TMC1: variants seen among roughly 807,000 people sequenced by gnomAD.
TMC1 encodes the protein transmembrane channel-like protein 1.
A neutral mutation model predicts 105.8 loss-of-function variants in TMC1; 84 were observed. The ratio of observed to expected loss-of-function variants is 0.79; its 90% CI spans 0.67 to 0.95. The LOEUF (loss-of-function observed/expected upper bound fraction) is 0.95. Ranked by LOEUF, TMC1 falls within the 40% of genes least tolerant of loss-of-function variation. The pLI is 0.00. For missense variants in TMC1, 817 were observed against 914.1 expected, an observed-to-expected ratio of 0.89 and a Z score of 1.37; for synonymous variants, 315 against 311.5, an observed-to-expected ratio of 1.01 and a Z score of -0.12.
chr9:72,755,086 G>GAGAGAC (rs1427791730), intron 12 of TMC1, among the ~76,000 whole-genome samples: 3 of 149,540 alleles, frequency 2.0e-5, no homozygotes, highest in Non-Finnish European at 4.4e-5. Context: ...GAGAGAGAGA[G>GAGAGAC]AGAGAGAGAG....
chr9:72,572,853 A>C (rs1017215425), intron 1 of TMC1, among the ~76,000 whole-genome samples: 2 of 151,830 alleles, frequency 1.3e-5, no homozygotes, highest in Non-Finnish European at 2.9e-5. Context: ...TTAACTGGGC[A>C]TGGTGGTGGG....
intron 2 of TMC1, among the ~76,000 whole-genome samples, chr9:72,592,307 A>C (rs1040345270): frequency 6.6e-6 from 1 of 152,236 alleles, no homozygotes; most frequent in Non-Finnish European, 1.5e-5. Context: ...AGGAACATAT[A>C]TGTGGAACCT....
intron 5 of TMC1, among the ~76,000 whole-genome samples, chr9:72,651,889 T>C (rs1477570619): frequency 1.3e-5 from 2 of 152,134 alleles, no homozygotes; most frequent in Non-Finnish European, 2.9e-5. Context: ...GCCCAATGTG[T>C]AGTCTCTTAT....
At chr9:72,817,207 G>A (rs1051914114) in intron 19 of TMC1, 1 of 152,088 alleles carries the variant, frequency 6.6e-6, no homozygotes, top group Admixed American at 6.6e-5. Context: ...CCTGCCATGG[G>A]ATGACTGTTA....
chr9:72,791,849 A>T (rs747488793), intron 15 of TMC1, 37 bp from the exon 16 acceptor site: 6 of 1,574,564 alleles, frequency 3.8e-6, no homozygotes, highest in South Asian at 1.1e-5. Flanking sequence ...AACTTTAAAC[A>T]CCATTAACCT....
At chr9:72,636,467 C>A (rs7029993) in intron 4 of TMC1, among the ~76,000 whole-genome samples, 35,267 of 151,678 alleles carry the variant, frequency 0.23, 4,366 homozygotes, top group East Asian at 0.38. Context: ...GAGGCTGAGG[C>A]GGGAGGATCA....
intron 1 of TMC1, among the ~76,000 whole-genome samples, chr9:72,564,925 A>G (rs1824120904): frequency 6.6e-6 from 1 of 152,246 alleles, no homozygotes; most frequent in Admixed American, 6.5e-5. Context: ...TTTAGCCAAA[A>G]TTAAATACAG....
chr9:72,596,278 A>T (rs1824718723), intron 2 of TMC1, among the ~76,000 whole-genome samples: 1 of 152,212 alleles, frequency 6.6e-6, no homozygotes, highest in Non-Finnish European at 1.5e-5. Context: ...AATGGAGCAC[A>T]CACAGAAAAA....
intron 1 of TMC1, among the ~76,000 whole-genome samples, chr9:72,538,938 C>A (rs894722611): frequency 6.6e-6 from 1 of 152,000 alleles, no homozygotes; most frequent in Non-Finnish European, 1.5e-5. Context: ...ATGTTGGGTA[C>A]CCTCTCATCT....
chr9:72,830,290 T>C (rs1829018620), intron 21 of TMC1, among the ~76,000 whole-genome samples, 161 bp from the exon 22 acceptor site: 2 of 152,182 alleles, frequency 1.3e-5, no homozygotes, highest in South Asian at 4.1e-4. Context: ...TTTACCTCTC[T>C]GGACCTCAGC....
At chr9:72,622,246 C>T (rs1033676917) in intron 3 of TMC1, among the ~76,000 whole-genome samples, 2 of 152,228 alleles carry the variant, frequency 1.3e-5, no homozygotes, top group African/African-American at 4.8e-5. Flanking sequence ...CTGGCCCACC[C>T]GCAGCACCAA....
At chr9:72,578,265 C>CGTGTGTGT (rs67476636) in intron 2 of TMC1, 5 of 147,784 alleles carry the variant, frequency 3.4e-5, no homozygotes, top group East Asian at 2.0e-4. Flanking sequence ...CGCGCGCACG[C>CGTGTGTGT]GTGTGTGTGT....
At chr9:72,630,011 G>A (rs960874991) in intron 4 of TMC1, among the ~76,000 whole-genome samples, 2 of 151,784 alleles carry the variant, frequency 1.3e-5, no homozygotes, top group African/African-American at 4.8e-5. Flanking sequence ...GATTACAGGC[G>A]CCTGCCACCA....
intron 1 of TMC1, among the ~76,000 whole-genome samples, chr9:72,548,367 T>A (rs936899863): frequency 3.3e-5 from 5 of 151,838 alleles, no homozygotes; most frequent in African/African-American, 1.2e-4. Context: ...GGCCAGGAGT[T>A]TCAAGATCAG....
chr9:72,756,732 T>A (rs897808261), intron 12 of TMC1, among the ~76,000 whole-genome samples: 2 of 152,166 alleles, frequency 1.3e-5, no homozygotes, highest in Non-Finnish European at 2.9e-5. Flanking sequence ...CTTTTGATTT[T>A]TATATATAGA....
At chr9:72,536,930 T>C (rs1823595670) in intron 1 of TMC1, among the ~76,000 whole-genome samples, 3 of 152,224 alleles carry the variant, frequency 2.0e-5, no homozygotes. Flanking sequence ...TCTGACCCTA[T>C]GGCAGACTTC....
chr9:72,743,095 C>T (rs1048274489), intron 10 of TMC1, among the ~76,000 whole-genome samples: 4 of 151,932 alleles, frequency 2.6e-5, no homozygotes, highest in African/African-American at 9.7e-5. Flanking sequence ...AGGCCGGGCG[C>T]GGTGGCTCAC....
chr9:72,685,316 C>T (rs1564490040), intron 5 of TMC1, among the ~76,000 whole-genome samples: 1 of 149,836 alleles, frequency 6.7e-6, no homozygotes, highest in Admixed American at 6.7e-5. Context: ...CTGTGTTAGC[C>T]AGGATGGTCT....
In TMC1 at chr9:72,740,209, G is replaced by A. The variant is rs1827365267; in HGVS notation, c.453G>A (p.Lys151=). The A allele has an allele frequency of 6.2e-7, 1 of 1,613,144 alleles. No individual in the cohort carries two copies. The highest frequency in any genetic ancestry group is 1.3e-5 in the African/African-American group (1 of 74,992). ...TTGCATTTAAGATGATGATGGCCAAGGTAGGTATTTTTATAGTTGTCTGGT... is the reference window on the plus strand; with the variant it reads ...TTGCATTTAAGATGATGATGGCCAAAGTAGGTATTTTTATAGTTGTCTGGT... ...RWFAFKMMMA[K]KWAKFLRDFE... The change falls in exon 9 of 24, where the codon AAG becomes AAA. Residue 151 remains lysine, a splice_region_variant and synonymous_variant. Coordinates refer to ENST00000297784, the MANE Select transcript of TMC1 (RefSeq NM_138691.3).
Sources: allele counts gnomAD v4.1 joint callset (sites outside exome capture counted in the v4.1 genomes callset), GRCh38; gene constraint gnomAD v4.1.1; transcripts MANE v1.5; gene names NCBI Gene and HGNC (gene_info 2026-07-23, HGNC 2026-07-21).